The following KIF15 variants were observed in gnomAD, a reference collection of about 807,000 sequenced individuals.
KIF15 encodes kinesin family member 15, also known as kinesin-like protein KIF15.
KIF15 carries 140 observed loss-of-function variants against 190.6 expected under a neutral mutation model. That is an observed-to-expected ratio of 0.73 (90% CI 0.64 to 0.84). KIF15 has a LOEUF of 0.84. Among genes scored for constraint, KIF15 ranks in the 40% least tolerant of loss-of-function variants. The pLI is 0.00. For missense variants in KIF15, 1,372 were observed against 1,584.4 expected (o/e 0.87, Z 2.28); for synonymous variants, 528 against 551.3 (o/e 0.96, Z 0.59).
chr3:44,856,659 C>G (rs1446596285), downstream of KIF15, among the ~76,000 whole-genome samples: 1 of 152,158 alleles, frequency 6.6e-6, no homozygotes, highest in African/African-American at 2.4e-5. Context: ...TCTTTAGCTA[C>G]CTTATCAGCA....
intron 16 of KIF15, 78 bp downstream of exon 16, chr3:44,806,064 C>A: frequency 2.0e-6 from 3 of 1,477,422 alleles, no homozygotes; most frequent in South Asian, 2.5e-5. Context: ...TCTGCATGGT[C>A]TATCTCCAGA....
At chr3:44,790,344 A>C (rs1280407832) in intron 7 of KIF15, among the ~76,000 whole-genome samples, 7 of 151,756 alleles carry the variant, frequency 4.6e-5, no homozygotes, top group Non-Finnish European at 8.8e-5. Context: ...CACCCGGCTA[A>C]ATTTTTGTAT....
chr3:44,842,425 T>C (rs1315047825), intron 29 of KIF15, among the ~76,000 whole-genome samples: 1 of 152,184 alleles, frequency 6.6e-6, no homozygotes, highest in Admixed American at 6.6e-5. Flanking sequence ...TGTGAGGTCA[T>C]TGCTCTGCAG....
chr3:44,866,744 C>G (rs1032745964), intron 6 of KIF15, among the ~76,000 whole-genome samples: 1 of 152,200 alleles, frequency 6.6e-6, no homozygotes, highest in South Asian at 2.1e-4. Flanking sequence ...GGATCTGGCC[C>G]TAGCCCACCA....
chr3:44,798,011 A>G, intron 10 of KIF15, 55 bp downstream of exon 10: 1 of 1,479,196 alleles, frequency 6.8e-7, no homozygotes, highest in Non-Finnish European at 9.1e-7. Flanking sequence ...TAAAGCTTAC[A>G]GTATGCCATT....
At chr3:44,822,773 C>A (rs1426875460) in intron 20 of KIF15, among the ~76,000 whole-genome samples, 1 of 152,126 alleles carries the variant, frequency 6.6e-6, no homozygotes, top group Non-Finnish European at 1.5e-5. Flanking sequence ...CTCAGTGATA[C>A]CCTTTCTTCC....
At chr3:44,821,668 C>T (rs192361718) in intron 20 of KIF15, among the ~76,000 whole-genome samples, 2,202 of 152,092 alleles carry the variant, frequency 0.014, 21 homozygotes, top group Middle Eastern at 0.027. Flanking sequence ...GGGCTCCTCA[C>T]GTCCCAGATG....
intron 6 of KIF15, 42 bp downstream of exon 6, chr3:44,784,984 A>C (rs758551465): frequency 3.9e-6 from 4 of 1,032,830 alleles, no homozygotes; most frequent in Non-Finnish European, 5.9e-6. Flanking sequence ...GAAATGTCTA[A>C]TTTTGAATAG....
At chr3:44,831,905 G>A (rs549663191) in intron 26 of KIF15, among the ~76,000 whole-genome samples, 2 of 152,130 alleles carry the variant, frequency 1.3e-5, no homozygotes, top group Admixed American at 1.3e-4. Context: ...GAAATAAAGG[G>A]GTTTTGGCTA....
intron 25 of KIF15, among the ~76,000 whole-genome samples, chr3:44,830,671 G>T (rs989625668): frequency 1.3e-5 from 2 of 152,118 alleles, no homozygotes; most frequent in African/African-American, 4.8e-5. Flanking sequence ...ATTTCTGAAG[G>T]CAGTAGATGA....
intron 32 of KIF15, among the ~76,000 whole-genome samples, chr3:44,850,460 A>G (rs1007075999): frequency 6.6e-6 from 1 of 152,208 alleles, no homozygotes; most frequent in Non-Finnish European, 1.5e-5. Flanking sequence ...AACTTGGTGT[A>G]TAGTTTATTT....
chr3:44,835,488 C>G (rs1236054010), intron 26 of KIF15, among the ~76,000 whole-genome samples: 1 of 152,028 alleles, frequency 6.6e-6, no homozygotes, highest in Non-Finnish European at 1.5e-5. Flanking sequence ...GTGATCCTCC[C>G]CTGCCTCAGC....
At chr3:44,827,259 G>A (rs911333215) in intron 22 of KIF15, 200 bp from the exon 23 acceptor site, 3 of 523,042 alleles carry the variant, frequency 5.7e-6, no homozygotes, top group Admixed American at 3.2e-5. Flanking sequence ...AGGAAAAACA[G>A]TCATGGCACA....
At position 44,839,161 on chromosome 3, in the gene KIF15, G is replaced by A. The variant is rs889274841; in HGVS notation, c.3318+740G>A. The stretch of plus-strand genomic sequence containing the variant: ...CAAGGTGGGTGGATCACGAGGTCAG[G>A]AGATCAAGACCATCCTGGCTTACAC... On this transcript the variant is annotated intron_variant, in intron 27 of 34. Coordinates refer to ENST00000326047, the MANE Select transcript of KIF15 (RefSeq NM_020242.3). Among the ~76,000 whole-genome samples the A allele has an allele frequency of 3.9e-5, 6 of 152,144 alleles. No homozygotes were observed. In the East Asian group the frequency reaches 1.2e-3, roughly 29 times the overall value.
intron 10 of KIF15, among the ~76,000 whole-genome samples, chr3:44,798,721 G>T (rs1707115758): frequency 1.3e-5 from 2 of 152,088 alleles, no homozygotes; most frequent in African/African-American, 4.8e-5. Context: ...TTTTTCTTAA[G>T]GGAAAGCAAA....
intron 1 of KIF15, among the ~76,000 whole-genome samples, chr3:44,767,041 A>T (rs1184004062): frequency 2.6e-5 from 4 of 150,968 alleles, no homozygotes; most frequent in African/African-American, 7.3e-5. Context: ...CGATCTCCTG[A>T]CCTCGTGATC....
chr3:44,829,470 A>G (rs1697871685), intron 24 of KIF15, among the ~76,000 whole-genome samples: 1 of 136,088 alleles, frequency 7.3e-6, no homozygotes, highest in African/African-American at 2.8e-5. Flanking sequence ...ATATATATGT[A>G]TATAATATGT....
chr3:44,792,270 G>A (rs1232570281), intron 7 of KIF15, among the ~76,000 whole-genome samples: 1 of 151,810 alleles, frequency 6.6e-6, no homozygotes, highest in African/African-American at 2.4e-5. Flanking sequence ...GAGGTCAGGA[G>A]TTCAAGACCA....
At position 44,806,003 on chromosome 3, in the gene KIF15, A is replaced by AAGTTG. The variant is rs1280548995; in HGVS notation, c.1971+17_1971+18insAGTTG. The stretch of plus-strand genomic sequence containing the variant: ...ACACTTAAGGTAGGTCATCTGAACA[A>AAGTTG]TACCTCCACCTTAAATCAGTGCAAT... On this transcript the variant is annotated intron_variant, in intron 16 of 34. Transcript: ENST00000326047. The AAGTTG allele has an allele frequency of 6.2e-7, 1 of 1,611,014 alleles. No homozygotes were observed. The highest frequency in any genetic ancestry group is 1.1e-5 in the South Asian group (1 of 90,504).
Sources: gnomAD v4.1 joint callset for allele counts (sites outside exome capture counted in the v4.1 genomes callset) on GRCh38, gnomAD v4.1.1 for gene constraint, MANE v1.5 for transcripts, NCBI Gene and HGNC (gene_info 2026-07-23, HGNC 2026-07-21) for gene names.